Variants in ADAMTS8 observed in about 807,000 individuals in gnomAD.
The protein encoded by ADAMTS8 is ADAM metallopeptidase with thrombospondin type 1 motif 8.
ADAMTS8 carries 50 observed loss-of-function variants against 64.4 expected under a neutral mutation model. That is an observed-to-expected ratio of 0.78 (90% CI 0.62 to 0.98). The LOEUF is 0.98. Among genes scored for constraint, ADAMTS8 ranks in the 50% least tolerant of loss-of-function variants. The pLI, the probability that ADAMTS8 is intolerant of heterozygous loss-of-function variation, is 0.00. For missense variants in ADAMTS8, 1,192 were observed against 1,208.2 expected, an observed-to-expected ratio of 0.99 and a Z score of 0.20; for synonymous variants, 556 against 533.6, an observed-to-expected ratio of 1.04 and a Z score of -0.58.
At position 130,408,833 on chromosome 11, in the gene ADAMTS8, G is replaced by C. The variant is rs34821407; in HGVS notation, c.1858C>G (p.Arg620Gly). The change falls in exon 7 of 9, where the codon CGG becomes GGG. Residue 620 changes from arginine to glycine, a missense_variant. By Grantham distance (125) the Arg-to-Gly change is moderately radical (BLOSUM62 -2). Around this residue, in one of 5 missense-constraint regions of ADAMTS8, gnomAD observed 290 missense variants for 297.8 expected, o/e 0.97. Transcript: ENST00000257359. Reference protein sequence around the residue: ...WVPKYAGVSPRDRCKLFCRAR... With the variant: ...WVPKYAGVSPGDRCKLFCRAR... ...CGGCAGAACAACTTGCAGCGGTCCC[G>C]GGGGGACACCCCAGCATACTTGGGG... 1,473 of 1,613,526 alleles carry C rather than the reference G, an allele frequency of 9.1e-4. 2 individuals carry two copies. The highest frequency in any genetic ancestry group is 1.1e-3 in the Non-Finnish European group (1,350 of 1,179,788).
At chr11:130,417,105 C>T in intron 2 of ADAMTS8, 30 bp from the exon 3 acceptor site, 1 of 1,612,800 alleles carries the variant, frequency 6.2e-7, no homozygotes, top group Non-Finnish European at 8.5e-7. Context: ...CAAGAGAGTG[C>T]ATCAGTGTGT....
At chr11:130,413,557 T>TGC (rs1364629273) in intron 5 of ADAMTS8, among the ~76,000 whole-genome samples, 1 of 152,150 alleles carries the variant, frequency 6.6e-6, no homozygotes, top group Non-Finnish European at 1.5e-5. Flanking sequence ...GTAAGAGAAA[T>TGC]GCGATCAGCC....
chr11:130,415,168 C>A (rs1862005471), intron 4 of ADAMTS8, among the ~76,000 whole-genome samples: 1 of 152,214 alleles, frequency 6.6e-6, no homozygotes, highest in Admixed American at 6.5e-5. Flanking sequence ...CAAATGAAGA[C>A]CAAATAATGC....
At chr11:130,420,547 T>C (rs1450543610) in intron 1 of ADAMTS8, among the ~76,000 whole-genome samples, 1 of 151,954 alleles carries the variant, frequency 6.6e-6, no homozygotes, top group Non-Finnish European at 1.5e-5. Flanking sequence ...CTTCCTCTCC[T>C]CCTGTGGTCT....
At chr11:130,427,538 C>T (rs1234670707) in intron 1 of ADAMTS8, 29 bp downstream of exon 1, 25 of 1,521,488 alleles carry the variant, frequency 1.6e-5, no homozygotes, top group Non-Finnish European at 2.2e-5. Context: ...CCTCCGGGCA[C>T]GGCGGCTGGA....
chr11:130,417,201 G>A, intron 2 of ADAMTS8, 126 bp from the exon 3 acceptor site: 2 of 983,770 alleles, frequency 2.0e-6, no homozygotes, highest in Non-Finnish European at 1.5e-6. Context: ...TAACATGTTT[G>A]CTGGCCTGTG....
rs573344748 is a variant in ADAMTS8 at position 130,423,741 on chromosome 11, C to T, written c.720+3826G>A. ...ACTGCAGAAGCACTGGCGGGACAGG[C>T]GTCCCAGGCTGGCGAGAGTGGGCAC... On this transcript the variant is annotated intron_variant, in intron 1 of 8. Coordinates refer to ENST00000257359, the MANE Select transcript of ADAMTS8 (RefSeq NM_007037.6). Among the ~76,000 whole-genome samples, 47 of 152,338 alleles carry T rather than the reference C, an allele frequency of 3.1e-4. 1 individual carries two copies. The South Asian group carries it at 8.7e-3, about 28-fold the overall frequency.
Position 130,428,342 on chromosome 11 carries a change from C to T in ADAMTS8, c.-56G>A. The stretch of plus-strand genomic sequence containing the variant: ...AGGGAAGAAGCCCGCCAGGCGCGGG[C>T]AGGTGCTGGCGGCCCGAGCGCGGCC... On this transcript the variant is annotated 5_prime_UTR_variant, in exon 1 of 9. Coordinates refer to ENST00000257359, the MANE Select transcript of ADAMTS8 (RefSeq NM_007037.6). 1 of 1,260,358 alleles carries T rather than the reference C, an allele frequency of 7.9e-7. No homozygotes were observed. Among genetic ancestry groups the T allele is most frequent in the Non-Finnish European group, 1.0e-6 (1 of 991,236 alleles). The allele number at this position is 1,260,358 out of a possible 1,614,324, so 78.1% of individuals were successfully genotyped here.
chr11:130,405,072 A>C lies in ADAMTS8; in HGVS notation c.*486T>G, dbSNP rs1861859042. ...GGTGATGGATTTTAACACTGAAGAC[A>C]GTCGTGGTCATTCTTGAAGACAGCT... On this transcript the variant is annotated 3_prime_UTR_variant, in exon 9 of 9. Transcript: ENST00000257359. 3.0e-6 allele frequency: 3 copies of C among 988,320 alleles called. No homozygotes were observed. Among genetic ancestry groups the C allele is most frequent in the Non-Finnish European group, 3.6e-6 (3 of 831,762 alleles). 61.2% of individuals were successfully genotyped at this position (988,320 alleles called of 1,614,324 possible). A position where few individuals can be genotyped will look rare whatever the true frequency, so the allele number is the denominator to read the frequency against.
chr11:130,418,183 A>G (rs1319439514), intron 2 of ADAMTS8, among the ~76,000 whole-genome samples: 5 of 141,746 alleles, frequency 3.5e-5, no homozygotes, highest in Non-Finnish European at 7.4e-5. Flanking sequence ...CTTGTCTCAA[A>G]CAAAACAAAA....
Position 130,405,679 on chromosome 11 carries a change from G to A in ADAMTS8, c.2549C>T (p.Ala850Val), listed in dbSNP as rs1861870069. 1 of 1,614,064 alleles carries A rather than the reference G, an allele frequency of 6.2e-7. No individual in the cohort carries two copies. Among genetic ancestry groups the A allele is most frequent in the African/African-American group, 1.3e-5 (1 of 75,070 alleles). The change falls in exon 9 of 9, where the codon GCC (alanine) becomes GTC (valine). Residue 850 changes from alanine to valine, a missense_variant. Ala to Val is a moderately conservative substitution (Grantham distance 64). Coordinates refer to ENST00000257359, the MANE Select transcript of ADAMTS8 (RefSeq NM_007037.6). ...DWSECSSTCG[A>V]GWQRRTVECR... Reference sequence around the variant, plus strand: ...CTCTACAGTTCGCCTCTGCCAGCCGGCCCCGCAGGTGCTAGAGCACTCAGA... The same window carrying A: ...CTCTACAGTTCGCCTCTGCCAGCCGACCCCGCAGGTGCTAGAGCACTCAGA...
rs115382273 is a variant in ADAMTS8, at chr11:130,417,764, A to G, written c.961-689T>C. ...GGAGGAAGACGCAACAGCAGTTTCA[A>G]CGTGTCTGGATATCCCACCTAGTGG... On this transcript the variant is annotated intron_variant, in intron 2 of 8. Coordinates refer to ENST00000257359, the MANE Select transcript of ADAMTS8 (RefSeq NM_007037.6). Among the ~76,000 whole-genome samples, 570 of 152,272 alleles carry G rather than the reference A, an allele frequency of 3.7e-3. 4 individuals are homozygous for G. Among genetic ancestry groups the G allele is most frequent in the African/African-American group, 0.011 (472 of 41,544 alleles).
In ADAMTS8 at chr11:130,427,473, T is replaced by TTC. The variant is rs1491076548; in HGVS notation, c.720+92_720+93dup. Reference sequence around the variant, plus strand: ...GGGCTTTTTTTTTTTTTTTTTTTTTTTCTCAGAGGGATTGGAAGGGGAGAT... The same window carrying TTC: ...GGGCTTTTTTTTTTTTTTTTTTTTTTTCTCTCAGAGGGATTGGAAGGGGAGAT... On this transcript the variant is annotated intron_variant, in intron 1 of 8. Transcript: ENST00000257359. 57 of 890,572 alleles carry TTC rather than the reference T, an allele frequency of 6.4e-5. No homozygotes were observed. The African/African-American group carries it at 1.0e-3, about 16-fold the overall frequency. 55.2% of individuals were successfully genotyped at this position (890,572 alleles called of 1,614,324 possible).
chr11:130,415,472 T>A (rs1331097596), intron 4 of ADAMTS8, among the ~76,000 whole-genome samples: 1 of 151,862 alleles, frequency 6.6e-6, no homozygotes, highest in Non-Finnish European at 1.5e-5. Flanking sequence ...CCTGGCTAAT[T>A]TTTTGTATCT....
intron 4 of ADAMTS8, among the ~76,000 whole-genome samples, chr11:130,415,397 G>A (rs944505021): frequency 6.6e-6 from 1 of 151,926 alleles, no homozygotes; most frequent in Non-Finnish European, 1.5e-5. Context: ...TCCACCTCCC[G>A]GGTTCAAGCG....
Position 130,406,052 on chromosome 11 carries a change from C to T in ADAMTS8, c.2176G>A (p.Val726Met). Reference sequence around the variant, plus strand: ...GCCAGGTAGTTCCCATCGTTCTGCACACCCGGGTGGCTCCGCTGCTTCACG... The same window carrying T: ...GCCAGGTAGTTCCCATCGTTCTGCATACCCGGGTGGCTCCGCTGCTTCACG... ...IDVKQRSHPGVQNDGNYLALK... is the reference protein window; with the variant it reads ...IDVKQRSHPGMQNDGNYLALK... The change falls in exon 9 of 9, where the codon GTG (valine) becomes ATG (methionine). Residue 726 changes from valine (V) to methionine (M), a missense_variant. By Grantham distance (21) the Val-to-Met change is conservative. This residue lies in a region of ADAMTS8 where 290 missense variants were observed against 297.8 expected (regional missense o/e 0.97). Coordinates refer to ENST00000257359, the MANE Select transcript of ADAMTS8 (RefSeq NM_007037.6). 1 of 1,614,110 alleles carries T rather than the reference C, an allele frequency of 6.2e-7. No homozygotes were observed. The highest frequency in any genetic ancestry group is 8.5e-7 in the Non-Finnish European group (1 of 1,180,056).
chr11:130,408,724 C>T, intron 7 of ADAMTS8, 44 bp downstream of exon 7: 2 of 1,612,636 alleles, frequency 1.2e-6, no homozygotes, highest in African/African-American at 1.3e-5. Context: ...GGACAGGCGA[C>T]CTTCCTCCCC....
intron 6 of ADAMTS8, among the ~76,000 whole-genome samples, chr11:130,409,514 A>C (rs2134674955): frequency 6.6e-6 from 1 of 152,260 alleles, no homozygotes; most frequent in Non-Finnish European, 1.5e-5. Flanking sequence ...TCATTTGCTG[A>C]TCTTACCATG....
Position 130,416,410 on chromosome 11 carries a change from G to A in ADAMTS8, c.1097-80C>T. On this transcript the variant is annotated intron_variant, in intron 3 of 8. Coordinates refer to ENST00000257359, the MANE Select transcript of ADAMTS8 (RefSeq NM_007037.6). This position sits in a 1 kb window ranked among gnomAD's most constrained non-coding sequence, Gnocchi z 4.8. Reference sequence around the variant, plus strand: ...TGGCCCAGCTAGGGACAGAGATGGAGCTCCTCAGGGGAGCAGCCACCCCCT... The same window carrying A: ...TGGCCCAGCTAGGGACAGAGATGGAACTCCTCAGGGGAGCAGCCACCCCCT... The A allele has an allele frequency of 2.1e-6, 3 of 1,436,548 alleles. No individual in the cohort carries two copies. Among genetic ancestry groups the A allele is most frequent in the Non-Finnish European group, 2.8e-6 (3 of 1,081,936 alleles). 89.0% of individuals were successfully genotyped at this position (1,436,548 alleles called of 1,614,324 possible).
Sources: allele counts gnomAD v4.1 joint callset (sites outside exome capture counted in the v4.1 genomes callset), GRCh38; gene constraint gnomAD v4.1.1; regional missense constraint gnomAD v4.1.1; non-coding constraint Gnocchi (gnomAD v3.1); transcripts MANE v1.5; gene names NCBI Gene and HGNC (gene_info 2026-07-23, HGNC 2026-07-21).